Variants in NELL2 observed in about 807,000 individuals in gnomAD.
NELL2 encodes the protein neural EGFL like 2, also known as protein kinase C-binding protein NELL2.
A neutral mutation model predicts 109.6 loss-of-function variants in NELL2; 41 were observed. The ratio of observed to expected loss-of-function variants is 0.37; its 90% confidence interval spans 0.29 to 0.49. The LOEUF is 0.49. Among genes scored for constraint, NELL2 ranks in the 20% least tolerant of loss-of-function variants. The pLI, the probability that NELL2 is intolerant of heterozygous loss-of-function variation, is 0.98. For missense variants in NELL2, 900 were observed against 1,008.3 expected (o/e 0.89, Z 1.45); for synonymous variants, 355 against 344.7 (o/e 1.03, Z -0.33).
At position 44,834,565 on chromosome 12, in the gene NELL2, C is replaced by T. The variant is rs559756171; in HGVS notation, c.185-18429G>A. ...CAGGGGGCCAGGCCCAGTGCTGCCC[C>T]TCCTGGACAACAATTTAGCAATAAA... On this transcript the variant is annotated intron_variant, in intron 2 of 19. Transcript: ENST00000429094. Among the ~76,000 whole-genome samples the T allele has an allele frequency of 1.5e-4, 23 of 152,192 alleles. No individual in the cohort carries two copies. In the South Asian group the frequency reaches 4.8e-3, roughly 32 times the overall value.
intron 2 of NELL2, among the ~76,000 whole-genome samples, chr12:44,867,112 G>T (rs775934116): frequency 6.6e-6 from 1 of 152,034 alleles, no homozygotes; most frequent in Non-Finnish European, 1.5e-5. Flanking sequence ...GAAGAAGAGG[G>T]AATAAATTCC....
chr12:44,666,149 T>C (rs949993587), intron 12 of NELL2, among the ~76,000 whole-genome samples: 8 of 152,246 alleles, frequency 5.3e-5, no homozygotes, highest in Non-Finnish European at 1.0e-4. Flanking sequence ...CAGATAAAGT[T>C]ACAATAGAGA....
intron 15 of NELL2, among the ~76,000 whole-genome samples, chr12:44,573,522 C>T (rs908726005): frequency 2.0e-5 from 3 of 152,110 alleles, no homozygotes; most frequent in African/African-American, 7.2e-5. Context: ...AAAAAACCCA[C>T]TAATAAATAG....
chr12:44,575,471 T>C (rs966219912), intron 15 of NELL2, among the ~76,000 whole-genome samples: 1 of 152,222 alleles, frequency 6.6e-6, no homozygotes, highest in Non-Finnish European at 1.5e-5. Context: ...CTACCTAGCA[T>C]CAGAGAGATA....
intron 9 of NELL2, among the ~76,000 whole-genome samples, chr12:44,727,790 A>C (rs1939158973): frequency 1.3e-5 from 2 of 152,058 alleles, no homozygotes; most frequent in African/African-American, 4.8e-5. Context: ...ACATTATATT[A>C]ACTCTGTAAA....
At chr12:44,840,497 C>T (rs1411944278) in intron 2 of NELL2, among the ~76,000 whole-genome samples, 6 of 151,996 alleles carry the variant, frequency 3.9e-5, no homozygotes, top group African/African-American at 1.2e-4. Flanking sequence ...ATTAGCCAGG[C>T]GTGGTGGTGG....
At chr12:44,693,057 C>T (rs1004485358) in intron 12 of NELL2, among the ~76,000 whole-genome samples, 4 of 152,128 alleles carry the variant, frequency 2.6e-5, no homozygotes, top group Admixed American at 6.5e-5. Context: ...AATAGCATTG[C>T]ATGCTACAGA....
In NELL2 at chr12:44,790,786, G is replaced by A. The variant is rs1942353938; in HGVS notation, c.336-10764C>T. The stretch of plus-strand genomic sequence containing the variant: ...TCAGGAGACTCATCTAAGACATAAG[G>A]ACTCACATAAACTTCAAGTAAAGGC... On this transcript the variant is annotated intron_variant, in intron 3 of 19. Coordinates refer to ENST00000429094, the MANE Select transcript of NELL2 (RefSeq NM_001145108.2). 2.6e-5 allele frequency among the ~76,000 whole-genome samples: 4 copies of A among 151,434 alleles called. No individual in the cohort carries two copies. The South Asian group carries it at 8.3e-4, about 32-fold the overall frequency.
At chr12:44,721,071 G>T (rs1470117385) in intron 9 of NELL2, among the ~76,000 whole-genome samples, 5 of 152,184 alleles carry the variant, frequency 3.3e-5, no homozygotes, top group Non-Finnish European at 5.9e-5. Flanking sequence ...CTAGGTTAGA[G>T]AATGTATATG....
intron 9 of NELL2, among the ~76,000 whole-genome samples, chr12:44,736,481 T>C (rs188667327): frequency 6.6e-6 from 1 of 151,870 alleles, no homozygotes; most frequent in African/African-American, 2.4e-5. Context: ...TAGTCGTCAA[T>C]ATAAAATATA....
At position 44,607,076 on chromosome 12, in the gene NELL2, C is replaced by T; in HGVS notation, c.1663+93G>A. On this transcript the variant is annotated intron_variant, in intron 15 of 19. Transcript: ENST00000429094. ...TATTAATAGCTCCATGCTTTGAGAG[C>T]CCACTTGAAACTTGAAACATTATTT... 6 of 1,066,854 alleles carry T rather than the reference C, an allele frequency of 5.6e-6. No individual in the cohort carries two copies. The South Asian group carries it at 1.1e-4, about 19-fold the overall frequency. 66.1% of individuals were successfully genotyped at this position (1,066,854 alleles called of 1,614,324 possible). A position where few individuals can be genotyped will look rare whatever the true frequency, so the allele number is the denominator to read the frequency against.
At chr12:44,519,232 T>A (rs541737865) in intron 19 of NELL2, among the ~76,000 whole-genome samples, 2 of 152,348 alleles carry the variant, frequency 1.3e-5, no homozygotes, top group Admixed American at 1.3e-4. Flanking sequence ...TTCAGGTTAT[T>A]TATTTAGTTT....
At chr12:44,903,719 C>A (rs775488021) in intron 1 of NELL2, among the ~76,000 whole-genome samples, 1 of 151,954 alleles carries the variant, frequency 6.6e-6, no homozygotes, top group Non-Finnish European at 1.5e-5. Flanking sequence ...TAAAAAAGAA[C>A]GAGTTCATGT....
At chr12:44,878,037 G>A (rs1945367979), upstream of NELL2, among the ~76,000 whole-genome samples, 2 of 152,124 alleles carry the variant, frequency 1.3e-5, no homozygotes, top group Non-Finnish European at 2.9e-5. Flanking sequence ...CATTTAAAAT[G>A]CTATCATTAG....
intron 9 of NELL2, among the ~76,000 whole-genome samples, chr12:44,743,613 AGCAAATG>A (rs1268824007): frequency 1.3e-5 from 2 of 152,228 alleles, no homozygotes; most frequent in Non-Finnish European, 2.9e-5. Flanking sequence ...AGATCTACCA[AGCAAATG>A]GAAAATAAAA....
chr12:44,515,515 C>A (rs1941222486), intron 19 of NELL2, among the ~76,000 whole-genome samples: 2 of 151,664 alleles, frequency 1.3e-5, no homozygotes, highest in African/African-American at 4.8e-5. Context: ...TAGGTGTTAC[C>A]TGAAAGGGGA....
chr12:44,835,485 C>A (rs1377422638), intron 2 of NELL2, among the ~76,000 whole-genome samples: 1 of 152,190 alleles, frequency 6.6e-6, no homozygotes, highest in Non-Finnish European at 1.5e-5. Context: ...GCAGCAGGGA[C>A]ATGGGACCTG....
upstream of NELL2, among the ~76,000 whole-genome samples, chr12:44,879,915 T>C (rs996961564): frequency 5.3e-5 from 8 of 151,920 alleles, no homozygotes; most frequent in East Asian, 3.8e-4. Flanking sequence ...CTCACTGATA[T>C]GGAAATTCTA....
intron 15 of NELL2, among the ~76,000 whole-genome samples, chr12:44,549,679 A>G (rs1942949693): frequency 6.6e-6 from 1 of 152,198 alleles, no homozygotes; most frequent in Non-Finnish European, 1.5e-5. Flanking sequence ...AGCATCAAAA[A>G]GAATAAAATA....
Sources: allele counts gnomAD v4.1 joint callset (sites outside exome capture counted in the v4.1 genomes callset), GRCh38; gene constraint gnomAD v4.1.1; transcripts MANE v1.5; gene names NCBI Gene and HGNC (gene_info 2026-07-23, HGNC 2026-07-21).